Variants in CASR observed in about 807,000 individuals in gnomAD.
CASR encodes the protein calcium sensing receptor.
Under a neutral mutation model 69.1 loss-of-function variants are expected in CASR, and 23 were observed. The ratio of observed to expected loss-of-function variants is 0.33; its 90% confidence interval spans 0.24 to 0.47. The LOEUF (loss-of-function observed/expected upper bound fraction) is 0.47. Ranked by LOEUF, CASR falls within the 20% of genes least tolerant of loss-of-function variation. The pLI is 1.00. For missense variants in CASR, 924 were observed against 1,356.1 expected, an observed-to-expected ratio of 0.68 and a Z score of 5.00; for synonymous variants, 541 against 544.7, an observed-to-expected ratio of 0.99 and a Z score of 0.10.
rs546856619 is a variant in CASR, at chr3:122,268,292, A to G, written c.1377+5880A>G. Among the ~76,000 whole-genome samples the G allele has an allele frequency of 2.6e-5, 4 of 152,328 alleles. No individual in the cohort carries two copies. In the South Asian group the frequency reaches 8.3e-4, roughly 32 times the overall value. ...TTAGTCTTGAGTATTATTCTTTTGT[A>G]GGTGAGGAGGGTAAGACCCAGAGAA... On this transcript the variant is annotated intron_variant, in intron 4 of 6. Coordinates refer to ENST00000639785, the MANE Select transcript of CASR (RefSeq NM_000388.4).
At chr3:122,267,181 C>A (rs1213253967) in intron 4 of CASR, among the ~76,000 whole-genome samples, 1 of 152,098 alleles carries the variant, frequency 6.6e-6, no homozygotes, top group Non-Finnish European at 1.5e-5. Context: ...GAATTAAAGG[C>A]AAGATATTAT....
intron 5 of CASR, among the ~76,000 whole-genome samples, chr3:122,277,053 T>C (rs1353390274): frequency 5.3e-5 from 8 of 150,242 alleles, no homozygotes; most frequent in South Asian, 2.1e-4. Context: ...CTTTTCTTTT[T>C]TTTTTTTTTT....
chr3:122,187,272 T>C (rs1023932030), intron 1 of CASR, among the ~76,000 whole-genome samples: 5 of 152,170 alleles, frequency 3.3e-5, no homozygotes, highest in Admixed American at 3.3e-4. Context: ...TGCCAGAATT[T>C]TTCAATTATT....
At position 122,252,470 on chromosome 3, in the gene CASR, AAAG is replaced by A. The variant is rs200327147; in HGVS notation, c.-242-1474_-242-1472del. Among the ~76,000 whole-genome samples, 478 of 117,700 alleles carry A rather than the reference AAAG, an allele frequency of 4.1e-3. 12 individuals carry two copies. The highest frequency in any genetic ancestry group is 0.015 in the African/African-American group (431 of 29,678). The allele number at this position is 117,700 out of a possible 152,430, so 77.2% of individuals were successfully genotyped here. On this transcript the variant is annotated intron_variant, in intron 1 of 6. Coordinates refer to ENST00000639785, the MANE Select transcript of CASR (RefSeq NM_000388.4). Reference sequence around the variant, plus strand: ...GAAAAAAAAGAAAAGAAAGAAAAGAAAAGAAGGGAGGGAGGGAAGGAAGGAAGG... The same window carrying A: ...GAAAAAAAAGAAAAGAAAGAAAAGAAAAGGGAGGGAGGGAAGGAAGGAAGG...
chr3:122,204,907 T>A (rs960430283), intron 1 of CASR, among the ~76,000 whole-genome samples: 1 of 152,098 alleles, frequency 6.6e-6, no homozygotes, highest in African/African-American at 2.4e-5. Flanking sequence ...CTTTTGCCCA[T>A]TTTTTAATTG....
intron 1 of CASR, among the ~76,000 whole-genome samples, chr3:122,217,682 C>G (rs1357329122): frequency 6.6e-6 from 1 of 152,146 alleles, no homozygotes; most frequent in African/African-American, 2.4e-5. Context: ...CTCAGAAGTT[C>G]TCATGCTGCA....
intron 1 of CASR, among the ~76,000 whole-genome samples, chr3:122,217,104 TA>T (rs921938986): frequency 8.1e-6 from 1 of 123,964 alleles, no homozygotes; most frequent in Non-Finnish European, 1.7e-5. Flanking sequence ...GAAGGGAAAG[TA>T]AAATTTTTTT....
intron 6 of CASR, among the ~76,000 whole-genome samples, chr3:122,283,403 C>T (rs1358696913): frequency 6.6e-6 from 1 of 152,178 alleles, no homozygotes; most frequent in African/African-American, 2.4e-5. Context: ...TCCCTGCCAT[C>T]AGAAGATAGT....
intron 1 of CASR, among the ~76,000 whole-genome samples, chr3:122,196,796 C>T (rs1379486714): frequency 6.6e-6 from 1 of 152,066 alleles, no homozygotes; most frequent in African/African-American, 2.4e-5. Flanking sequence ...ATGTTGTCCC[C>T]TTTGCTACCC....
intron 1 of CASR, among the ~76,000 whole-genome samples, chr3:122,237,439 G>C (rs1243033336): frequency 6.6e-6 from 1 of 151,958 alleles, no homozygotes; most frequent in Non-Finnish European, 1.5e-5. Flanking sequence ...GCTCTTCCTT[G>C]GTTCCTGCAC....
At chr3:122,214,580 T>A (rs1349677016) in intron 1 of CASR, among the ~76,000 whole-genome samples, 1 of 152,162 alleles carries the variant, frequency 6.6e-6, no homozygotes, top group Admixed American at 6.5e-5. Flanking sequence ...TCTGAACATA[T>A]CTAAGTCCCA....
intron 1 of CASR, among the ~76,000 whole-genome samples, chr3:122,205,152 C>G (rs1431983486): frequency 2.0e-5 from 3 of 151,998 alleles, no homozygotes; most frequent in Admixed American, 6.6e-5. Flanking sequence ...AAATCCTTGC[C>G]CAGACCAATG....
At position 122,235,184 on chromosome 3, in the gene CASR, C is replaced by T. The variant is rs540259106; in HGVS notation, c.-242-18764C>T. On this transcript the variant is annotated intron_variant, in intron 1 of 6. Coordinates refer to ENST00000639785, the MANE Select transcript of CASR (RefSeq NM_000388.4). ...TGATTGTGAAGAATATATACTCATT[C>T]CACAAATTTAAAAAGGGAATTAATA... Among the ~76,000 whole-genome samples the T allele has an allele frequency of 1.6e-4, 25 of 152,220 alleles. No homozygotes were observed. In the East Asian group the frequency reaches 4.6e-3, roughly 28 times the overall value.
At chr3:122,193,166 A>G (rs953680046) in intron 1 of CASR, among the ~76,000 whole-genome samples, 7 of 137,544 alleles carry the variant, frequency 5.1e-5, no homozygotes, top group Non-Finnish European at 7.9e-5. Flanking sequence ...TCATATTATC[A>G]TTCTCCTATT....
At chr3:122,281,634 T>A (rs1413637501) in intron 5 of CASR, among the ~76,000 whole-genome samples, 1 of 152,084 alleles carries the variant, frequency 6.6e-6, no homozygotes, top group Non-Finnish European at 1.5e-5. Flanking sequence ...ATCATATGAT[T>A]TTTTTTCTCC....
At chr3:122,185,361 C>T (rs1009228233) in intron 1 of CASR, among the ~76,000 whole-genome samples, 2 of 152,186 alleles carry the variant, frequency 1.3e-5, no homozygotes, top group African/African-American at 2.4e-5. Context: ...AGTGTTCCTC[C>T]TTGCAACGCC....
At chr3:122,239,678 C>T (rs898319852) in intron 1 of CASR, among the ~76,000 whole-genome samples, 1 of 152,196 alleles carries the variant, frequency 6.6e-6, no homozygotes, top group Non-Finnish European at 1.5e-5. Context: ...CACAGGGAAG[C>T]TTGTGTCACC....
At chr3:122,243,811 G>T (rs561915191) in intron 1 of CASR, among the ~76,000 whole-genome samples, 1 of 151,896 alleles carries the variant, frequency 6.6e-6, no homozygotes, top group South Asian at 2.1e-4. Context: ...TACAAAAAAT[G>T]TGTTACATAA....
rs1468055232 is a variant in CASR, at chr3:122,275,841, T to G, written c.1407T>G (p.Phe469Leu). The G allele has an allele frequency of 1.2e-6, 2 of 1,613,972 alleles. No homozygotes were observed. Among genetic ancestry groups the G allele is most frequent in the Non-Finnish European group, 1.7e-6 (2 of 1,179,960 alleles). ...TGAAGCACCTACGGCATCTAAACTT[T>G]ACAAACAATATGGGGGAGCAGGTGA... ...QVLKHLRHLN[F>L]TNNMGEQVTF... Residue 469 changes from phenylalanine to leucine, a missense_variant, in exon 5 of 7, where the codon TTT becomes TTG. This residue lies in a region of CASR where 310 missense variants were observed against 395.7 expected (regional missense o/e 0.78). Coordinates refer to ENST00000639785, the MANE Select transcript of CASR (RefSeq NM_000388.4).
Sources: gnomAD v4.1 joint callset for allele counts (sites outside exome capture counted in the v4.1 genomes callset) on GRCh38, gnomAD v4.1.1 for gene constraint, gnomAD v4.1.1 regional missense constraint, MANE v1.5 for transcripts, NCBI Gene and HGNC (gene_info 2026-07-23, HGNC 2026-07-21) for gene names.